Variants in AKR1B1 observed in about 807,000 individuals in gnomAD.
AKR1B1 encodes the protein aldo-keto reductase family 1 member B.
Under a neutral mutation model 40.4 loss-of-function variants are expected in AKR1B1, and 22 were observed. The ratio of observed to expected loss-of-function variants is 0.54; its 90% confidence interval spans 0.39 to 0.78. The LOEUF (loss-of-function observed/expected upper bound fraction) is 0.78. Among genes scored for constraint, AKR1B1 ranks in the 30% least tolerant of loss-of-function variants. The probability of loss-of-function intolerance (pLI) is 0.00; values close to 1 mark genes in which losing one functional copy is unlikely to be tolerated. For missense variants in AKR1B1, 357 were observed against 396.7 expected (o/e 0.90, Z 0.85); for synonymous variants, 157 against 149.9 (o/e 1.05, Z -0.35).
intron 7 of AKR1B1, 57 bp downstream of exon 7, chr7:134,447,923 G>GGA (rs1306625650): frequency 6.9e-7 from 1 of 1,443,182 alleles, no homozygotes; most frequent in East Asian, 2.3e-5. Context: ...TTGGCTAACA[G>GGA]GACTGTCAGG....
Position 134,449,865 on chromosome 7 carries a change from A to T in AKR1B1, c.352-68T>A, listed in dbSNP as rs1806232287. Reference sequence around the variant, plus strand: ...TAGTCCTTCACAGACCTGCTGGGGGAAGCTGGCATCTAAAACAATTCTAAA... The same window carrying T: ...TAGTCCTTCACAGACCTGCTGGGGGTAGCTGGCATCTAAAACAATTCTAAA... On this transcript the variant is annotated intron_variant, in intron 3 of 9. Coordinates refer to ENST00000285930, the MANE Select transcript of AKR1B1 (RefSeq NM_001628.4). The T allele has an allele frequency of 3.0e-6, 4 of 1,329,406 alleles. No individual in the cohort carries two copies. In the South Asian group the frequency reaches 4.7e-5, roughly 16 times the overall value. The allele number at this position is 1,329,406 out of a possible 1,614,324, so 82.4% of individuals were successfully genotyped here. A position where few individuals can be genotyped will look rare whatever the true frequency, so the allele number is the denominator to read the frequency against.
At chr7:134,446,862 T>A (rs1806113597) in intron 8 of AKR1B1, among the ~76,000 whole-genome samples, 1 of 152,262 alleles carries the variant, frequency 6.6e-6, no homozygotes, top group Admixed American at 6.5e-5. Context: ...CTCTGATGCA[T>A]CACTTAATCT....
chr7:134,452,213 C>T (rs190496415), intron 1 of AKR1B1, among the ~76,000 whole-genome samples: 2 of 152,306 alleles, frequency 1.3e-5, no homozygotes, highest in South Asian at 2.1e-4. Context: ...CTGCCCCTTA[C>T]GCTCTCTTTT....
At position 134,447,314 on chromosome 7, in the gene AKR1B1, A is replaced by G; in HGVS notation, c.809T>C (p.Ile270Thr). The part of the protein sequence containing the change: ...VIPKSVTPER[I>T]AENFKVFDFE... ...AGATCTTACCTTAAAGTTCTCAGCA[A>G]TGCGTTCTGGTGTCACAGACTTGGG... Residue 270 changes from isoleucine (I) to threonine (T), a missense_variant, in exon 8 of 10, where the codon ATT becomes ACT. Coordinates refer to ENST00000285930, the MANE Select transcript of AKR1B1 (RefSeq NM_001628.4). 1 of 1,614,080 alleles carries G rather than the reference A, an allele frequency of 6.2e-7. No homozygotes were observed. The highest frequency in any genetic ancestry group is 8.5e-7 in the Non-Finnish European group (1 of 1,179,978).
At chr7:134,448,111 A>T (rs1487566226) in intron 6 of AKR1B1, 50 bp from the exon 7 acceptor site, 1 of 1,480,232 alleles carries the variant, frequency 6.8e-7, no homozygotes, top group Non-Finnish European at 9.3e-7. Context: ...CACCACTCAC[A>T]GCAGCCAGAA....
chr7:134,456,269 G>A (rs1373028130), intron 1 of AKR1B1, among the ~76,000 whole-genome samples: 3 of 151,800 alleles, frequency 2.0e-5, no homozygotes, highest in Non-Finnish European at 2.9e-5. Context: ...GCGGGACCTC[G>A]GCTCACTGCA....
In AKR1B1 at chr7:134,442,452, A is replaced by T; in HGVS notation, c.*276T>A. The T allele has an allele frequency of 2.6e-6, 1 of 381,732 alleles. No homozygotes were observed. The highest frequency in any genetic ancestry group is 4.5e-5 in the East Asian group (1 of 22,248). The allele number at this position is 381,732 out of a possible 1,614,324, so 23.6% of individuals were successfully genotyped here. ...CTCAACCGTTAGTGGCACTATTTTGACCTGGTAGATTTTGCTTCTCTTTGG... is the reference window on the plus strand; with the variant it reads ...CTCAACCGTTAGTGGCACTATTTTGTCCTGGTAGATTTTGCTTCTCTTTGG... On this transcript the variant is annotated 3_prime_UTR_variant, in exon 10 of 10. Transcript: ENST00000285930.
intron 8 of AKR1B1, among the ~76,000 whole-genome samples, chr7:134,446,474 A>G (rs1806098892): frequency 6.6e-6 from 1 of 152,236 alleles, no homozygotes; most frequent in Non-Finnish European, 1.5e-5. Context: ...TGCGCTCGGC[A>G]CAGATCTTGG....
chr7:134,459,220 G>C (rs942913888), upstream of AKR1B1: 2 of 882,450 alleles, frequency 2.3e-6, no homozygotes, highest in South Asian at 1.6e-5. Context: ...GTGCCGCGGC[G>C]GCCTTCCCCA....
chr7:134,444,769 A>C (rs1195152723), intron 9 of AKR1B1: 1 of 224,046 alleles, frequency 4.5e-6, no homozygotes, highest in African/African-American at 2.2e-5. Flanking sequence ...CCTGCTGCTC[A>C]GAGGGAGGGC....
intron 3 of AKR1B1, among the ~76,000 whole-genome samples, chr7:134,450,397 CAT>C (rs1170648719): frequency 1.3e-5 from 2 of 152,284 alleles, no homozygotes; most frequent in Admixed American, 6.5e-5. Flanking sequence ...GGTAGGGACT[CAT>C]GTGTATGGGG....
intron 4 of AKR1B1, chr7:134,449,405 T>A (rs1806213266): frequency 5.4e-6 from 3 of 553,604 alleles, no homozygotes; most frequent in Non-Finnish European, 9.7e-6. Flanking sequence ...GCTAACACGG[T>A]GAAACCCCGT....
intron 9 of AKR1B1, among the ~76,000 whole-genome samples, chr7:134,444,120 A>G (rs895707547): frequency 6.6e-6 from 1 of 152,140 alleles, no homozygotes; most frequent in Non-Finnish European, 1.5e-5. Context: ...CTGAAAGGAG[A>G]ACGAATGTAG....
intron 2 of AKR1B1, chr7:134,451,335 G>C (rs1040808254): frequency 3.4e-6 from 2 of 581,770 alleles, no homozygotes; most frequent in Non-Finnish European, 6.2e-6. Context: ...GGAAAGGGAG[G>C]GCCAATCCAC....
rs757709627 is a variant in AKR1B1, at chr7:134,445,332, A to AC, written c.826-13dup. 2.5e-6 allele frequency: 4 copies of AC among 1,608,910 alleles called. No individual in the cohort carries two copies. The South Asian group carries it at 4.5e-5, about 18-fold the overall frequency. On this transcript the variant is annotated splice_polypyrimidine_tract_variant and intron_variant, in intron 8 of 9. Transcript: ENST00000285930. ...TCAAAGTCAAAGACCTAAAAAACAA[A>AC]CAAAAAAATCCAGTAAGCTCTGCAA...
rs1202155313 is a variant in AKR1B1, at chr7:134,447,337, G to A, written c.786C>T (p.Pro262=). The part of the protein sequence containing the change: ...FPMQRNLVVI[P]KSVTPERIAE... ...CAATGCGTTCTGGTGTCACAGACTT[G>A]GGGATCACCACCAAGTTCCTCTGCA... is the stretch of plus-strand genomic sequence containing the variant. The change falls in exon 8 of 10, where the codon CCC becomes CCT. Residue 262 remains proline (P), a synonymous_variant. Coordinates refer to ENST00000285930, the MANE Select transcript of AKR1B1 (RefSeq NM_001628.4). 6.2e-7 allele frequency: 1 copy of A among 1,614,098 alleles called. No individual in the cohort carries two copies. The highest frequency in any genetic ancestry group is 1.7e-5 in the Admixed American group (1 of 60,020).
chr7:134,454,147 T>C (rs1173893804), intron 1 of AKR1B1, among the ~76,000 whole-genome samples: 2 of 152,186 alleles, frequency 1.3e-5, no homozygotes, highest in African/African-American at 2.4e-5. Flanking sequence ...ATCCTACATG[T>C]TTCTAACCCG....
chr7:134,445,925 G>A (rs899234923), intron 8 of AKR1B1, among the ~76,000 whole-genome samples: 1 of 152,224 alleles, frequency 6.6e-6, no homozygotes, highest in Non-Finnish European at 1.5e-5. Context: ...CATGGAGGCT[G>A]GGAGGGAGGG....
At chr7:134,449,427 A>C in intron 4 of AKR1B1, 3 of 558,652 alleles carry the variant, frequency 5.4e-6, no homozygotes, top group Non-Finnish European at 9.6e-6. Context: ...TCTACTAAAA[A>C]TACAAAAAAA....
Sources: allele counts gnomAD v4.1 joint callset (sites outside exome capture counted in the v4.1 genomes callset), GRCh38; gene constraint gnomAD v4.1.1; transcripts MANE v1.5; gene names NCBI Gene and HGNC (gene_info 2026-07-23, HGNC 2026-07-21).